The following OR10J1 variants were observed in gnomAD, a reference collection of about 807,000 sequenced individuals.
OR10J1 encodes olfactory receptor family 10 subfamily J member 1, also known as olfactory receptor 10J1.
For synonymous variants in OR10J1, 202 were observed against 143.8 expected, an observed-to-expected ratio of 1.40 and a Z score of -2.89; for missense variants, 474 against 376.6, an observed-to-expected ratio of 1.26 and a Z score of -2.14.
upstream of OR10J1, among the ~76,000 whole-genome samples, chr1:159,433,702 A>C (rs1209164824): frequency 1.3e-5 from 2 of 151,946 alleles, no homozygotes; most frequent in Non-Finnish European, 2.9e-5. Flanking sequence ...CTCTGAGGGC[A>C]CTCCTTAGTC....
At chr1:159,400,135 C>G in the OR10J1 span, among the ~76,000 whole-genome samples, 1 of 151,692 alleles carries the variant, frequency 6.6e-6, no homozygotes, top group Non-Finnish European at 1.5e-5. Context: ...ACAAGACAAC[C>G]TGGAAACAAC....
At chr1:159,429,558 T>C in the OR10J1 span, among the ~76,000 whole-genome samples, 1 of 152,196 alleles carries the variant, frequency 6.6e-6, no homozygotes, top group Non-Finnish European at 1.5e-5. Flanking sequence ...AAAACCAAGA[T>C]TGTCGAAGTA....
the OR10J1 span, among the ~76,000 whole-genome samples, chr1:159,423,449 G>A: frequency 6.6e-6 from 1 of 152,282 alleles, no homozygotes; most frequent in African/African-American, 2.4e-5. Flanking sequence ...CAGAGACAGT[G>A]TCTCCCTGTG....
At chr1:159,407,274 G>T in the OR10J1 span, among the ~76,000 whole-genome samples, 3 of 152,092 alleles carry the variant, frequency 2.0e-5, no homozygotes, top group Non-Finnish European at 4.4e-5. Flanking sequence ...TATGTACTCT[G>T]AAGCCACACT....
the OR10J1 span, among the ~76,000 whole-genome samples, chr1:159,411,255 T>C: frequency 1.2e-4 from 19 of 152,286 alleles, no homozygotes; most frequent in South Asian, 3.7e-3. Context: ...GGTATCCTTG[T>C]TAACTTTCTG....
the OR10J1 span, among the ~76,000 whole-genome samples, chr1:159,400,680 C>A: frequency 6.6e-6 from 1 of 151,712 alleles, no homozygotes; most frequent in Non-Finnish European, 1.5e-5. Flanking sequence ...CTGGAGACTT[C>A]AGTACCCCAC....
the OR10J1 span, among the ~76,000 whole-genome samples, chr1:159,424,111 G>A: frequency 2.0e-5 from 3 of 151,830 alleles, no homozygotes; most frequent in Admixed American, 2.0e-4. Flanking sequence ...AGCTACTCAG[G>A]AGGCTGAAGC....
chr1:159,431,873 A>C, the OR10J1 span, among the ~76,000 whole-genome samples: 1 of 152,174 alleles, frequency 6.6e-6, no homozygotes, highest in African/African-American at 2.4e-5. Flanking sequence ...CAGGTGTATT[A>C]AATGCATTTT....
chr1:159,435,020 G>T (rs928235747), upstream of OR10J1, among the ~76,000 whole-genome samples: 1 of 152,128 alleles, frequency 6.6e-6, no homozygotes, highest in African/African-American at 2.4e-5. Context: ...CTATGTTCCA[G>T]TAAAAGGAAA....
chr1:159,413,468 A>G, the OR10J1 span, among the ~76,000 whole-genome samples: 59 of 152,150 alleles, frequency 3.9e-4, 1 homozygote, highest in Non-Finnish European at 3.1e-4. Flanking sequence ...GATTGGATTA[A>G]GAAAATGTGG....
the OR10J1 span, chr1:159,432,217 A>G: frequency 5.7e-5 from 23 of 400,644 alleles, no homozygotes; most frequent in Non-Finnish European, 8.8e-5. Flanking sequence ...CCAAGGCCCA[A>G]TTTCATGGCT....
chr1:159,403,463 A>C, the OR10J1 span, among the ~76,000 whole-genome samples: 1 of 152,208 alleles, frequency 6.6e-6, no homozygotes, highest in South Asian at 2.1e-4. Flanking sequence ...AGATTTGAAT[A>C]GACATTTCTC....
At chr1:159,423,524 C>A in the OR10J1 span, among the ~76,000 whole-genome samples, 2 of 152,172 alleles carry the variant, frequency 1.3e-5, no homozygotes, top group Non-Finnish European at 2.9e-5. Context: ...CCCAGGATTG[C>A]ACATTTCTAA....
the OR10J1 span, among the ~76,000 whole-genome samples, chr1:159,417,253 G>A: frequency 2.0e-5 from 3 of 152,066 alleles, no homozygotes; most frequent in Non-Finnish European, 4.4e-5. Flanking sequence ...GTCTTGGTAT[G>A]TTGTGTTTCC....
chr1:159,403,397 G>A, the OR10J1 span, among the ~76,000 whole-genome samples: 1 of 150,854 alleles, frequency 6.6e-6, no homozygotes, highest in South Asian at 2.1e-4. Context: ...AATGTGTAAG[G>A]AGCACAAACA....
chr1:159,403,736 C>T, the OR10J1 span, among the ~76,000 whole-genome samples: 1 of 152,118 alleles, frequency 6.6e-6, no homozygotes, highest in Non-Finnish European at 1.5e-5. Context: ...AATTAATCTA[C>T]CATATGATCC....
chr1:159,418,007 G>C, the OR10J1 span, among the ~76,000 whole-genome samples: 1 of 152,198 alleles, frequency 6.6e-6, no homozygotes, highest in Non-Finnish European at 1.5e-5. Flanking sequence ...CTTTGAACTT[G>C]AGGGAGATGA....
chr1:159,429,459 C>T, the OR10J1 span, among the ~76,000 whole-genome samples: 26 of 152,180 alleles, frequency 1.7e-4, no homozygotes, highest in Admixed American at 1.7e-3. Context: ...TGAGGCCCTC[C>T]CCATAATGCG....
At chr1:159,426,106 T>A in the OR10J1 span, among the ~76,000 whole-genome samples, 1 of 151,826 alleles carries the variant, frequency 6.6e-6, no homozygotes, top group Non-Finnish European at 1.5e-5. Flanking sequence ...AAACAAATTT[T>A]AAAAAACAAT....
Sources: gnomAD v4.1 joint callset for allele counts (sites outside exome capture counted in the v4.1 genomes callset) on GRCh38, gnomAD v4.1.1 for gene constraint, MANE v1.5 for transcripts, NCBI Gene and HGNC (gene_info 2026-07-23, HGNC 2026-07-21) for gene names.